VWA2: variants seen among roughly 807,000 people sequenced by gnomAD.
The protein encoded by VWA2 is von Willebrand factor A domain-containing protein 2.
VWA2 carries 73 observed loss-of-function variants against 70.4 expected under a neutral mutation model. The observed-to-expected ratio is 1.04, with a 90% CI of 0.86 to 1.26. VWA2 has a LOEUF of 1.26. Ranked by LOEUF, VWA2 falls within the 50% of genes most tolerant of loss-of-function variation. The probability of loss-of-function intolerance (pLI) is 0.00; values close to 1 mark genes in which losing one functional copy is unlikely to be tolerated. For missense variants in VWA2, 1,011 were observed against 998.5 expected (o/e 1.01, Z -0.17); for synonymous variants, 407 against 423.3 (o/e 0.96, Z 0.47).
chr10:114,290,386 G>A (rs1231346884), intron 13 of VWA2, 21 bp downstream of exon 13: 3 of 1,549,902 alleles, frequency 1.9e-6, no homozygotes, highest in South Asian at 1.2e-5. Context: ...CTCTTGCTCT[G>A]TATGTGTGAG....
chr10:114,269,312 G>A (rs1042093987), intron 5 of VWA2, among the ~76,000 whole-genome samples: 1 of 152,190 alleles, frequency 6.6e-6, no homozygotes, highest in Non-Finnish European at 1.5e-5. Context: ...CAGGCGTGGT[G>A]GCCCACGCCT....
At chr10:114,254,879 C>T (rs755801116) in intron 3 of VWA2, 36 bp from the exon 4 acceptor site, 2 of 1,601,426 alleles carry the variant, frequency 1.2e-6, no homozygotes, top group Non-Finnish European at 1.7e-6. Context: ...GACCGACTTG[C>T]TCCTGGTTGT....
In VWA2 at chr10:114,253,697, C is replaced by T. The variant is rs2037257225; in HGVS notation, c.99C>T (p.Thr33=). ...AGGAAGTCCATGTAAGCAAAGAAACCATCGGGAAGATTTCAGCTGCCAGCA... is the reference window on the plus strand; with the variant it reads ...AGGAAGTCCATGTAAGCAAAGAAACTATCGGGAAGATTTCAGCTGCCAGCA... The part of the protein sequence containing the change: ...PLQEVHVSKE[T]IGKISAASKM... The change falls in exon 3 of 14, where the codon ACC becomes ACT. Residue 33 remains threonine (T), a synonymous_variant. Transcript: ENST00000392982. 1.2e-6 allele frequency: 2 copies of T among 1,612,374 alleles called. No individual in the cohort carries two copies. The highest frequency in any genetic ancestry group is 1.7e-6 in the Non-Finnish European group (2 of 1,179,774).
At chr10:114,269,571 ACT>A (rs1449497492) in intron 5 of VWA2, among the ~76,000 whole-genome samples, 1 of 152,022 alleles carries the variant, frequency 6.6e-6, no homozygotes, top group Non-Finnish European at 1.5e-5. Flanking sequence ...ACAGAGTGAG[ACT>A]CTGTCTCAAA....
rs2037742383 is a variant in VWA2, at chr10:114,272,848, G to T, written c.480G>T (p.Gly160=). The change falls in exon 6 of 14, where the codon GGG becomes GGT. Residue 160 remains glycine, a synonymous_variant. Transcript: ENST00000392982. ...AGATCCTCATCATCGTCACTGATGG[G>T]AAGTCCCAGGGGGATGTGGCACTGC... ...VPQILIIVTD[G]KSQGDVALPS... is the part of the protein sequence containing the mutation. 1.9e-6 allele frequency: 3 copies of T among 1,614,090 alleles called. No homozygotes were observed. The highest frequency in any genetic ancestry group is 2.5e-6 in the Non-Finnish European group (3 of 1,179,998).
intron 7 of VWA2, 113 bp from the exon 8 acceptor site, chr10:114,278,606 G>A: frequency 6.7e-7 from 1 of 1,496,920 alleles, no homozygotes; most frequent in African/African-American, 1.4e-5. Context: ...TGGCCAGCCT[G>A]GAAGTGTGGT....
chr10:114,244,238 A>T (rs778944751), intron 1 of VWA2, among the ~76,000 whole-genome samples: 2 of 152,108 alleles, frequency 1.3e-5, no homozygotes, highest in South Asian at 2.1e-4. Flanking sequence ...CAGATTTTTT[A>T]AATTATGCTT....
At chr10:114,264,528 C>T (rs2037519217) in intron 5 of VWA2, among the ~76,000 whole-genome samples, 2 of 152,000 alleles carry the variant, frequency 1.3e-5, no homozygotes, top group East Asian at 3.9e-4. Context: ...CACCATTCTC[C>T]TGCCTCAGCC....
At position 114,291,115 on chromosome 10, in the gene VWA2, G is replaced by A. The variant is rs766353981; in HGVS notation, c.2249-103G>A. On this transcript the variant is annotated intron_variant, in intron 13 of 13. Transcript: ENST00000392982. The stretch of plus-strand genomic sequence containing the variant: ...GCATCTTCTGCTGGGGGCGAGGTGG[G>A]TTGTAGAGTAAGAGCAGGACCTGAA... 8 of 1,349,252 alleles carry A rather than the reference G, an allele frequency of 5.9e-6. No individual in the cohort carries two copies. In the Admixed American group the frequency reaches 9.9e-5, roughly 17 times the overall value. 83.6% of individuals were successfully genotyped at this position (1,349,252 alleles called of 1,614,324 possible). A position where few individuals can be genotyped will look rare whatever the true frequency, so the allele number is the denominator to read the frequency against.
chr10:114,279,600 C>A (rs866072070), intron 8 of VWA2, among the ~76,000 whole-genome samples: 7 of 152,214 alleles, frequency 4.6e-5, no homozygotes, highest in African/African-American at 1.7e-4. Context: ...GAAAGGCCAG[C>A]CCCCTACATA....
At chr10:114,254,261 G>A (rs1015190909) in intron 3 of VWA2, among the ~76,000 whole-genome samples, 4 of 151,816 alleles carry the variant, frequency 2.6e-5, no homozygotes, top group African/African-American at 9.7e-5. Context: ...TAGTAGAGAT[G>A]GGGTTTCGCC....
chr10:114,286,137 A>T lies in VWA2; in HGVS notation c.1196A>T (p.Glu399Val). The T allele has an allele frequency of 6.2e-7, 1 of 1,613,972 alleles. No individual in the cohort carries two copies. Among genetic ancestry groups the T allele is most frequent in the Non-Finnish European group, 8.5e-7 (1 of 1,180,002 alleles). The change falls in exon 11 of 14, where the codon GAG becomes GTG. Residue 399 changes from glutamate (E) to valine (V), a missense_variant. By Grantham distance (121) the Glu-to-Val change is moderately radical. Coordinates refer to ENST00000392982, the MANE Select transcript of VWA2 (RefSeq NM_001272046.2). ...CTGCTGGTGGCGGTGCCTGTGGGGG[A>T]GTACCAGGATGTGCCTGACCTGGTC... ...RELLVAVPVG[E>V]YQDVPDLVWS...
intron 7 of VWA2, among the ~76,000 whole-genome samples, chr10:114,278,267 G>GC: frequency 6.6e-6 from 1 of 152,274 alleles, no homozygotes; most frequent in East Asian, 1.9e-4. Context: ...AGGTAGAGGG[G>GC]CCCAGGGTTT....
intron 1 of VWA2, among the ~76,000 whole-genome samples, chr10:114,243,103 A>C (rs1431231690): frequency 6.6e-6 from 1 of 152,160 alleles, no homozygotes; most frequent in African/African-American, 2.4e-5. Context: ...GGTTGTGTAC[A>C]ATTTAAAGCA....
chr10:114,259,186 A>G (rs489262), intron 4 of VWA2, among the ~76,000 whole-genome samples: 2 of 152,134 alleles, frequency 1.3e-5, no homozygotes, highest in East Asian at 3.9e-4. Flanking sequence ...TTTCACCCCG[A>G]AAACATTGTA....
At chr10:114,255,072 T>C in intron 4 of VWA2, 24 bp downstream of exon 4, 1 of 1,609,122 alleles carries the variant, frequency 6.2e-7, no homozygotes, top group Non-Finnish European at 8.5e-7. Context: ...TTGTGGGTGT[T>C]TGTGTTAGGG....
chr10:114,292,687 T>G lies in VWA2; in HGVS notation c.*1450T>G, dbSNP rs2039710442. On this transcript the variant is annotated 3_prime_UTR_variant, in exon 14 of 14. Transcript: ENST00000392982. Reference sequence around the variant, plus strand: ...TGTAGAAATCTTTCTAGAGCTCTGATGTGACTCCAGACACTTTATCGTTTT... The same window carrying G: ...TGTAGAAATCTTTCTAGAGCTCTGAGGTGACTCCAGACACTTTATCGTTTT... Among the ~76,000 whole-genome samples the G allele has an allele frequency of 6.6e-6, 1 of 151,776 alleles. No individual in the cohort carries two copies. The highest frequency in any genetic ancestry group is 2.4e-5 in the African/African-American group (1 of 41,312).
intron 4 of VWA2, 27 bp from the exon 5 acceptor site, chr10:114,261,159 C>T (rs369567257): frequency 5.7e-5 from 88 of 1,550,478 alleles, no homozygotes; most frequent in Admixed American, 1.0e-4. Context: ...AGTCTCGGGG[C>T]CCTGAGCCCC....
chr10:114,285,752 C>T (rs917697326), intron 10 of VWA2, among the ~76,000 whole-genome samples, 187 bp from the exon 11 acceptor site: 5 of 152,210 alleles, frequency 3.3e-5, no homozygotes, highest in Admixed American at 1.3e-4. Flanking sequence ...AGACCCTTAG[C>T]GAGTGCCAGG....
Sources: gnomAD v4.1 joint callset for allele counts (sites outside exome capture counted in the v4.1 genomes callset) on GRCh38, gnomAD v4.1.1 for gene constraint, MANE v1.5 for transcripts, NCBI Gene and HGNC (gene_info 2026-07-23, HGNC 2026-07-21) for gene names.